Variants in AGO3 observed in about 807,000 individuals in gnomAD.
AGO3 encodes argonaute RISC catalytic component 3.
A neutral mutation model predicts 105.5 loss-of-function variants in AGO3; 16 were observed. That is an observed-to-expected ratio of 0.15 (90% CI 0.10 to 0.23). The LOEUF is 0.23. Among genes scored for constraint, AGO3 ranks in the 10% least tolerant of loss-of-function variants. AGO3 has a pLI of 1.00. For missense variants in AGO3, 534 were observed against 1,088.0 expected (o/e 0.49, Z 7.16); for synonymous variants, 340 against 367.3 (o/e 0.93, Z 0.85).
At chr1:36,046,623 TAAA>T (rs3073806) in intron 17 of AGO3, among the ~76,000 whole-genome samples, 1 of 34,450 alleles carries the variant, frequency 2.9e-5, no homozygotes, top group Non-Finnish European at 5.2e-5. Flanking sequence ...AGTCTCTATT[TAAA>T]AAAAAAAAAA....
chr1:35,936,355 A>G (rs1411126184), intron 1 of AGO3, among the ~76,000 whole-genome samples: 1 of 152,224 alleles, frequency 6.6e-6, no homozygotes, highest in Non-Finnish European at 1.5e-5. Flanking sequence ...GTTTGGTTAT[A>G]ATAAAAAAAA....
chr1:35,932,063 C>T (rs953496465), intron 1 of AGO3, among the ~76,000 whole-genome samples: 1 of 152,060 alleles, frequency 6.6e-6, no homozygotes, highest in African/African-American at 2.4e-5. Context: ...TATTTTTTTT[C>T]ATTCTCTATT....
intron 14 of AGO3, among the ~76,000 whole-genome samples, chr1:36,036,726 A>G (rs1391926506): frequency 6.6e-6 from 1 of 151,966 alleles, no homozygotes; most frequent in Non-Finnish European, 1.5e-5. Flanking sequence ...AGACAAAGTT[A>G]TCTTGTTGCC....
At chr1:35,965,345 C>T (rs1186756909) in intron 2 of AGO3, among the ~76,000 whole-genome samples, 1 of 151,750 alleles carries the variant, frequency 6.6e-6, no homozygotes. Flanking sequence ...CAAAACTTAG[C>T]TGGACGTGAT....
At chr1:35,952,723 C>T (rs1008141712) in intron 2 of AGO3, among the ~76,000 whole-genome samples, 6 of 152,012 alleles carry the variant, frequency 3.9e-5, no homozygotes, top group African/African-American at 1.4e-4. Context: ...GTTTGTAGCC[C>T]AGGAGTAATA....
At chr1:35,979,758 A>G (rs998986146) in intron 5 of AGO3, among the ~76,000 whole-genome samples, 1 of 152,124 alleles carries the variant, frequency 6.6e-6, no homozygotes, top group Non-Finnish European at 1.5e-5. Context: ...CCAAAATTCT[A>G]CATTATCTAA....
At chr1:36,022,311 C>A (rs1364657271) in intron 11 of AGO3, among the ~76,000 whole-genome samples, 2 of 152,110 alleles carry the variant, frequency 1.3e-5, no homozygotes, top group Non-Finnish European at 2.9e-5. Context: ...AAGTGATCCT[C>A]CTGCTTCGGC....
chr1:35,990,134 C>A (rs72661648), intron 5 of AGO3, among the ~76,000 whole-genome samples: 3,739 of 152,178 alleles, frequency 0.025, 76 homozygotes, highest in Non-Finnish European at 0.038. Context: ...GTGCTTATAC[C>A]TTTAACATAG....
At chr1:36,036,598 C>T (rs1557703910) in intron 14 of AGO3, among the ~76,000 whole-genome samples, 1 of 152,146 alleles carries the variant, frequency 6.6e-6, no homozygotes, top group East Asian at 1.9e-4. Context: ...TAGAAAGATA[C>T]ACTACATATA....
chr1:36,030,457 A>G (rs1184460364), intron 12 of AGO3, among the ~76,000 whole-genome samples: 2 of 151,684 alleles, frequency 1.3e-5, no homozygotes, highest in Non-Finnish European at 2.9e-5. Flanking sequence ...AGCCAAGATC[A>G]TGCCACTGCA....
chr1:35,934,316 CTTAAA>C (rs1366941765), intron 1 of AGO3, among the ~76,000 whole-genome samples: 2 of 152,130 alleles, frequency 1.3e-5, no homozygotes, highest in East Asian at 1.9e-4. Context: ...TTACTTTTAC[CTTAAA>C]TTAATGACAT....
chr1:35,961,949 G>A (rs1557653369), intron 2 of AGO3, among the ~76,000 whole-genome samples: 1 of 152,036 alleles, frequency 6.6e-6, no homozygotes, highest in Non-Finnish European at 1.5e-5. Flanking sequence ...TAAGTGTTTA[G>A]GTATTACAGT....
At position 36,068,537 on chromosome 1, in the gene AGO3, A is replaced by G. The variant is rs1429129073; in HGVS notation, c.*12792A>G. ...TAAATAAGAATTATTCTTGAAAGTA[A>G]TATTCTAACCTTCTGCCAACCAACA... On this transcript the variant is annotated 3_prime_UTR_variant, in exon 19 of 19. Coordinates refer to ENST00000373191, the MANE Select transcript of AGO3 (RefSeq NM_024852.4). The G allele has an allele frequency of 6.6e-6, 1 of 152,194 alleles. No homozygotes were observed. Among genetic ancestry groups the G allele is most frequent in the African/African-American group, 2.4e-5 (1 of 41,440 alleles). The allele number at this position is 152,194 out of a possible 1,614,324, so 9.4% of individuals were successfully genotyped here.
rs764029137 is a variant in AGO3, at chr1:36,071,968, GTCATT to G, written c.*16225_*16229del. 1.4e-4 allele frequency: 21 copies of G among 152,290 alleles called. No individual in the cohort carries two copies. Among genetic ancestry groups the G allele is most frequent in the Non-Finnish European group, 2.8e-4 (19 of 68,024 alleles). The allele number at this position is 152,290 out of a possible 1,614,324, so 9.4% of individuals were successfully genotyped here. On this transcript the variant is annotated 3_prime_UTR_variant, in exon 19 of 19. Coordinates refer to ENST00000373191, the MANE Select transcript of AGO3 (RefSeq NM_024852.4). ...TGGGGGCCAGGCCTTGGATTTGGTTGTCATTTAAACTCCTTGAAGATTATATGTAA... is the reference window on the plus strand; with the variant it reads ...TGGGGGCCAGGCCTTGGATTTGGTTGTAAACTCCTTGAAGATTATATGTAA...
chr1:36,042,504 T>TA (rs1642291151), intron 16 of AGO3, among the ~76,000 whole-genome samples: 1 of 152,214 alleles, frequency 6.6e-6, no homozygotes, highest in Non-Finnish European at 1.5e-5. Context: ...TTGTGCTTGG[T>TA]AAAGTGAAGC....
Position 35,935,366 on chromosome 1 carries a change from G to A in AGO3, c.19+3921G>A, listed in dbSNP as rs145773728. Among the ~76,000 whole-genome samples the A allele has an allele frequency of 4.2e-3, 645 of 152,176 alleles. 6 individuals carry two copies. Among genetic ancestry groups the A allele is most frequent in the African/African-American group, 0.014 (599 of 41,518 alleles). ...ATGATTCTATCAGCCTCATATAACC[G>A]TTCTTTACATTTTTAAACCAAATTC... On this transcript the variant is annotated intron_variant, in intron 1 of 18. Transcript: ENST00000373191.
intron 5 of AGO3, among the ~76,000 whole-genome samples, chr1:35,996,259 A>C (rs1218502605): frequency 1.3e-5 from 2 of 151,626 alleles, no homozygotes; most frequent in African/African-American, 4.8e-5. Context: ...CAGGAGTTAG[A>C]GGTTGCAGTA....
intron 11 of AGO3, among the ~76,000 whole-genome samples, chr1:36,018,694 G>A (rs1641045948): frequency 6.6e-6 from 1 of 152,080 alleles, no homozygotes; most frequent in Admixed American, 6.6e-5. Context: ...GCCTCCCAAA[G>A]TGCTGGGATT....
rs368922183 is a variant in AGO3, at chr1:36,023,509, A to C, written c.1407-3605A>C. 1.1e-4 allele frequency among the ~76,000 whole-genome samples: 17 copies of C among 152,346 alleles called. No homozygotes were observed. In the East Asian group the frequency reaches 1.5e-3, roughly 14 times the overall value. ...CACATGGTTGAAGACTTATGTACAG[A>C]AAAAGGAAAGTGATGTACAGAAAAT... On this transcript the variant is annotated intron_variant, in intron 11 of 18. Transcript: ENST00000373191.
Sources: gnomAD v4.1 joint callset for allele counts (sites outside exome capture counted in the v4.1 genomes callset) on GRCh38, gnomAD v4.1.1 for gene constraint, MANE v1.5 for transcripts, NCBI Gene and HGNC (gene_info 2026-07-23, HGNC 2026-07-21) for gene names.